ATP11C: variants seen among roughly 807,000 people sequenced by gnomAD.
The protein encoded by ATP11C is ATPase phospholipid transporting 11C (ATP11C blood group), also known as phospholipid-transporting ATPase IG.
A neutral mutation model predicts 97.4 loss-of-function variants in ATP11C; 36 were observed. The observed-to-expected ratio is 0.37, with a 90% CI of 0.28 to 0.49. ATP11C has a LOEUF of 0.49. Ranked by LOEUF, ATP11C falls within the 20% of genes least tolerant of loss-of-function variation. The probability of loss-of-function intolerance (pLI) is 0.98; values close to 1 mark genes in which losing one functional copy is unlikely to be tolerated. For synonymous variants in ATP11C, 275 were observed against 290.9 expected (o/e 0.95, Z 0.56); for missense variants, 730 against 824.6 (o/e 0.89, Z 1.40).
chrX:139,880,501 G>A (rs1242458963), intron 1 of ATP11C, among the ~76,000 whole-genome samples: 2 of 111,714 alleles, frequency 1.8e-5, no homozygotes, highest in Non-Finnish European at 3.8e-5. Flanking sequence ...AGGAGGAGGA[G>A]GAGGAGGTAG....
chrX:139,743,191 A>ACT (rs757081610), intron 26 of ATP11C, among the ~76,000 whole-genome samples: 30 of 103,487 alleles, frequency 2.9e-4, no homozygotes, highest in East Asian at 9.1e-4. Context: ...ACACACACAC[A>ACT]CTCTCTCTCT....
chrX:139,733,806 C>T (rs1333350874), intron 28 of ATP11C, among the ~76,000 whole-genome samples: 2 of 111,668 alleles, frequency 1.8e-5, no homozygotes, highest in African/African-American at 6.5e-5. Context: ...TGTATCCAAC[C>T]ATCGGAGATA....
chrX:139,819,066 C>G (rs752043107), intron 3 of ATP11C, among the ~76,000 whole-genome samples: 27 of 111,854 alleles, frequency 2.4e-4, no homozygotes, highest in African/African-American at 8.1e-4. Context: ...CAATACACGT[C>G]ATCCTGGGAT....
intron 1 of ATP11C, among the ~76,000 whole-genome samples, chrX:139,892,242 A>T (rs1603412888): frequency 8.9e-6 from 1 of 111,750 alleles, no homozygotes; most frequent in East Asian, 2.8e-4. Context: ...GCAGCATGGC[A>T]GATCAAAAAG....
At chrX:139,761,411 G>A (rs1044257359) in intron 22 of ATP11C, among the ~76,000 whole-genome samples, 1 of 111,964 alleles carries the variant, frequency 8.9e-6, no homozygotes, top group Non-Finnish European at 1.9e-5. Context: ...AGACCAGCAA[G>A]GTCACATATC....
chrX:139,908,145 C>T (rs2085013021), intron 1 of ATP11C, among the ~76,000 whole-genome samples: 1 of 111,453 alleles, frequency 9.0e-6, no homozygotes, highest in Non-Finnish European at 1.9e-5. Flanking sequence ...GCCATCTTCC[C>T]CCGGTTCCAC....
At chrX:139,770,144 G>A (rs1265115449) in intron 19 of ATP11C, among the ~76,000 whole-genome samples, 1 of 110,259 alleles carries the variant, frequency 9.1e-6, no homozygotes, top group Non-Finnish European at 1.9e-5. Context: ...GAAATAACTT[G>A]TAAACACCAA....
At chrX:139,758,571 G>C (rs2081980393) in intron 22 of ATP11C, among the ~76,000 whole-genome samples, 1 of 111,621 alleles carries the variant, frequency 9.0e-6, no homozygotes, top group South Asian at 3.8e-4. Context: ...ATACTAAAAA[G>C]ACAAGCAGAA....
At chrX:139,866,117 G>A (rs999151920) in intron 1 of ATP11C, among the ~76,000 whole-genome samples, 4 of 110,153 alleles carry the variant, frequency 3.6e-5, no homozygotes, top group Non-Finnish European at 5.7e-5. Context: ...AGGCTGAGGC[G>A]GGCAGATCAC....
chrX:139,849,562 G>T (rs141377973), intron 1 of ATP11C, among the ~76,000 whole-genome samples: 1,170 of 111,615 alleles, frequency 0.01, 16 homozygotes, highest in African/African-American at 0.036. Flanking sequence ...TTCCTCAAAA[G>T]AATATACCAT....
intron 27 of ATP11C, among the ~76,000 whole-genome samples, chrX:139,739,419 G>A (rs181959796): frequency 8.6e-4 from 95 of 110,376 alleles, no homozygotes; most frequent in African/African-American, 3.0e-3. Context: ...CCCCAAAGAC[G>A]GGTGTGACTC....
chrX:139,908,512 GC>G (rs1569490475), intron 1 of ATP11C, among the ~76,000 whole-genome samples: 2 of 112,236 alleles, frequency 1.8e-5, no homozygotes, highest in South Asian at 3.7e-4. Context: ...GGTCCCCATT[GC>G]CTAGCATATA....
At chrX:139,831,018 G>A (rs999918350) in intron 1 of ATP11C, among the ~76,000 whole-genome samples, 1 of 110,868 alleles carries the variant, frequency 9.0e-6, no homozygotes, top group African/African-American at 3.3e-5. Context: ...AAATTGCTGA[G>A]GTTTCCAAGC....
rs936380254 is a variant in ATP11C at position 139,848,400 on chromosome X, T to C, written c.28-21577A>G. Among the ~76,000 whole-genome samples the C allele has an allele frequency of 3.6e-5, 4 of 111,388 alleles. No homozygotes were observed. In the Admixed American group the frequency reaches 3.8e-4, roughly 11 times the overall value. On this transcript the variant is annotated intron_variant, in intron 1 of 29. Coordinates refer to ENST00000682941, the MANE Select transcript of ATP11C (RefSeq NM_001353812.2). Reference sequence around the variant, plus strand: ...AGAGAGTAGGATCTGTTATCACATATTACTTCATCCCTGACACATAATAGC... The same window carrying C: ...AGAGAGTAGGATCTGTTATCACATACTACTTCATCCCTGACACATAATAGC...
At chrX:139,785,179 G>A in intron 16 of ATP11C, 47 bp downstream of exon 16, 1 of 962,992 alleles carries the variant, frequency 1.0e-6, no homozygotes, top group Non-Finnish European at 1.5e-6. Flanking sequence ...CAACCAATAA[G>A]CCTACAAATC....
chrX:139,889,787 T>C (rs952484189), intron 1 of ATP11C, among the ~76,000 whole-genome samples: 2 of 112,053 alleles, frequency 1.8e-5, no homozygotes, highest in Non-Finnish European at 3.8e-5. Flanking sequence ...ATTGATATAA[T>C]TGTGTAAAAA....
chrX:139,875,836 G>A (rs1405562274), intron 1 of ATP11C, among the ~76,000 whole-genome samples: 1 of 111,676 alleles, frequency 9.0e-6, no homozygotes, highest in African/African-American at 3.3e-5. Context: ...GGTACAGGGA[G>A]ATTAAATGAA....
chrX:139,869,269 C>A (rs1181835876), intron 1 of ATP11C, among the ~76,000 whole-genome samples: 1 of 111,744 alleles, frequency 8.9e-6, no homozygotes, highest in Non-Finnish European at 1.9e-5. Flanking sequence ...ATATTCGTAT[C>A]TGATTGAATT....
rs1159673918 is a variant in ATP11C, at chrX:139,856,687, GA to G, written c.28-29865del. Among the ~76,000 whole-genome samples the G allele has an allele frequency of 8.0e-5, 9 of 112,275 alleles. No individual in the cohort carries two copies. In the Admixed American group the frequency reaches 8.5e-4, roughly 11 times the overall value. ...GGAATACCAGATCAATTTAAAGCCC[GA>G]AATCAAATAGCTGCAGGATTTGTCA... On this transcript the variant is annotated intron_variant, in intron 1 of 29. Transcript: ENST00000682941.
Sources: allele counts gnomAD v4.1 joint callset (sites outside exome capture counted in the v4.1 genomes callset), GRCh38; gene constraint gnomAD v4.1.1; transcripts MANE v1.5; gene names NCBI Gene and HGNC (gene_info 2026-07-23, HGNC 2026-07-21).